Variants in ACOT6 observed in about 807,000 individuals in gnomAD.
ACOT6 encodes acyl-CoA thioesterase 6.
Under a neutral mutation model 12.3 loss-of-function variants are expected in ACOT6, and 14 were observed. The observed-to-expected ratio is 1.14, with a 90% CI of 0.75 to 1.78. The LOEUF (loss-of-function observed/expected upper bound fraction) is 1.78. Among genes scored for constraint, ACOT6 ranks in the 40% most tolerant of loss-of-function variants. The pLI is 0.00. For synonymous variants in ACOT6, 218 were observed against 231.3 expected (o/e 0.94, Z 0.52); for missense variants, 523 against 551.8 (o/e 0.95, Z 0.52).
intron 1 of ACOT6, among the ~76,000 whole-genome samples, chr14:73,615,334 C>CCAAAA (rs1219471454): frequency 1.4e-5 from 2 of 139,332 alleles, no homozygotes; most frequent in African/African-American, 5.7e-5. Flanking sequence ...TTGCAGTGAG[C>CCAAAA]CAAAATCACA....
chr14:73,619,445 CT>C lies in ACOT6; in HGVS notation c.876del (p.Phe292LeufsTer46), dbSNP rs768789089. 9.0e-5 allele frequency: 146 copies of C among 1,614,074 alleles called. No homozygotes were observed. The highest frequency in any genetic ancestry group is 1.2e-4 in the Non-Finnish European group (137 of 1,180,044). On this transcript the variant is annotated frameshift_variant, in exon 3 of 3. Coordinates refer to ENST00000645972, the MANE Select transcript of ACOT6 (RefSeq NM_001365788.1). LOFTEE classifies it low-confidence loss of function (END_TRUNC). The stretch of plus-strand genomic sequence containing the variant: ...AAAATCACTAAGTCAGGATTTCTCA[CT>C]TTTATGGACACTTGGAGCAATCCAC... ...KVKITKSGFL[T>X]FMDTWSNPLE...
At chr14:73,617,334 G>A in intron 2 of ACOT6, 142 bp downstream of exon 2, 3 of 1,181,404 alleles carry the variant, frequency 2.5e-6, no homozygotes, top group Non-Finnish European at 2.5e-6. Context: ...TAGGGTGGAA[G>A]CTGGGCATGG....
chr14:73,612,332 G>GC (rs1035080684), upstream of ACOT6, among the ~76,000 whole-genome samples: 2 of 152,136 alleles, frequency 1.3e-5, no homozygotes, highest in Non-Finnish European at 2.9e-5. Flanking sequence ...GTGATCCACC[G>GC]CCCCCGGCCG....
chr14:73,617,566 C>A (rs1453039166), intron 2 of ACOT6, among the ~76,000 whole-genome samples: 1 of 152,120 alleles, frequency 6.6e-6, no homozygotes, highest in Non-Finnish European at 1.5e-5. Context: ...TCAAAGAGCA[C>A]AGGACTAAAA....
At chr14:73,614,347 C>A (rs559743510) in intron 1 of ACOT6, among the ~76,000 whole-genome samples, 1 of 152,300 alleles carries the variant, frequency 6.6e-6, no homozygotes, top group African/African-American at 2.4e-5. Context: ...TGGCTGCCCA[C>A]TGTACTGTGA....
At position 73,612,969 on chromosome 14, in the gene ACOT6, G is replaced by GGGTGCGGCGCGAGCC; in HGVS notation, c.405_419dup (p.Arg136_Arg140dup). The GGGTGCGGCGCGAGCC allele has an allele frequency of 2.5e-6, 3 of 1,197,404 alleles. No individual in the cohort carries two copies. The highest frequency in any genetic ancestry group is 1.1e-6 in the Non-Finnish European group (1 of 901,612). The allele number at this position is 1,197,404 out of a possible 1,614,324, so 74.2% of individuals were successfully genotyped here. On this transcript the variant is annotated inframe_insertion, in exon 1 of 3. Coordinates refer to ENST00000645972, the MANE Select transcript of ACOT6 (RefSeq NM_001365788.1). ...AACAAGCGCGACTTTCTCCGGCCGGGGGTGCGGCGCGAGCCGGTGCGCGCG... is the reference window on the plus strand; with the variant it reads ...AACAAGCGCGACTTTCTCCGGCCGGGGGTGCGGCGCGAGCCGGTGCGGCGCGAGCCGGTGCGCGCG...
chr14:73,618,844 C>T (rs1173314409), intron 2 of ACOT6, among the ~76,000 whole-genome samples: 2 of 151,942 alleles, frequency 1.3e-5, no homozygotes, highest in Non-Finnish European at 2.9e-5. Context: ...GTTAAGAAAG[C>T]TACTGGCGGG....
chr14:73,612,535 C>G lies in ACOT6; in HGVS notation c.-37C>G, dbSNP rs1890460445. 1 of 1,234,760 alleles carries G rather than the reference C, an allele frequency of 8.1e-7. No individual in the cohort carries two copies. Among genetic ancestry groups the G allele is most frequent in the Admixed American group, 4.1e-5 (1 of 24,590 alleles). 76.5% of individuals were successfully genotyped at this position (1,234,760 alleles called of 1,614,324 possible). The stretch of plus-strand genomic sequence containing the variant: ...AGCCGCCAGGCCCGCCCACTGACTC[C>G]GCGGAGCTGGGTCGCCCCTGTTCTA... On this transcript the variant is annotated 5_prime_UTR_variant, in exon 1 of 3. Coordinates refer to ENST00000645972, the MANE Select transcript of ACOT6 (RefSeq NM_001365788.1).
Position 73,612,920 on chromosome 14 carries a change from G to A in ACOT6, c.349G>A (p.Gly117Arg). The change falls in exon 1 of 3, where the codon GGG (glycine) becomes AGG (arginine). Residue 117 changes from glycine to arginine, a missense_variant. Around this residue, in one of 2 missense-constraint regions of ACOT6, gnomAD observed 304 missense variants for 274.8 expected, o/e 1.11. Coordinates refer to ENST00000645972, the MANE Select transcript of ACOT6 (RefSeq NM_001365788.1). ...GCTGGACGGCCACGACACCGAGCCC[G>A]GGCGGCTGCTGTGCCTGGCGCAGAA... Reference protein sequence around the residue: ...EVLDGHDTEPGRLLCLAQNKR... With the variant: ...EVLDGHDTEPRRLLCLAQNKR... 1 of 1,352,924 alleles carries A rather than the reference G, an allele frequency of 7.4e-7. No individual in the cohort carries two copies. The highest frequency in any genetic ancestry group is 9.9e-7 in the Non-Finnish European group (1 of 1,013,326). The allele number at this position is 1,352,924 out of a possible 1,614,324, so 83.8% of individuals were successfully genotyped here.
At chr14:73,616,447 C>G (rs905455041) in intron 1 of ACOT6, among the ~76,000 whole-genome samples, 8 of 152,114 alleles carry the variant, frequency 5.3e-5, no homozygotes, top group African/African-American at 1.7e-4. Context: ...AATCGCAGCA[C>G]TTTGGGAGGC....
At chr14:73,617,328 G>A in intron 2 of ACOT6, 136 bp downstream of exon 2, 1 of 1,242,810 alleles carries the variant, frequency 8.0e-7, no homozygotes, top group Non-Finnish European at 1.2e-6. Flanking sequence ...GGTTACTAGG[G>A]TGGAAGCTGG....
In ACOT6 at chr14:73,612,646, C is replaced by A. The variant is rs976330775; in HGVS notation, c.75C>A (p.Gly25=). 17 of 1,405,418 alleles carry A rather than the reference C, an allele frequency of 1.2e-5. No homozygotes were observed. The Admixed American group carries it at 4.8e-4, about 40-fold the overall frequency. 87.1% of individuals were successfully genotyped at this position (1,405,418 alleles called of 1,614,324 possible). A position where few individuals can be genotyped will look rare whatever the true frequency, so the allele number is the denominator to read the frequency against. Residue 25 remains glycine (G), a synonymous_variant, in exon 1 of 3, where the codon GGC becomes GGA. Transcript: ENST00000645972. ...WDEPLRIAVR[G]LAPEQPVTLR... ...AGCCGCTGCGCATCGCAGTGCGCGG[C>A]CTGGCCCCGGAGCAGCCAGTCACGC...
intron 1 of ACOT6, among the ~76,000 whole-genome samples, chr14:73,616,066 A>C (rs1336967986): frequency 1.3e-5 from 2 of 151,958 alleles, no homozygotes. Context: ...TCTTGGGCTC[A>C]GATGATCCTC....
Position 73,619,847 on chromosome 14 carries a change from G to T in ACOT6, c.*8G>T, listed in dbSNP as rs1347117813. The T allele has an allele frequency of 6.4e-7, 1 of 1,573,404 alleles. No individual in the cohort carries two copies. The highest frequency in any genetic ancestry group is 8.6e-7 in the Non-Finnish European group (1 of 1,165,510). On this transcript the variant is annotated 3_prime_UTR_variant, in exon 3 of 3. Transcript: ENST00000645972. Reference sequence around the variant, plus strand: ...AAGCACAGCAAAATATAACATTGTAGCCACAGACCAGATACCATTAATAAA... The same window carrying T: ...AAGCACAGCAAAATATAACATTGTATCCACAGACCAGATACCATTAATAAA...
In ACOT6 at chr14:73,616,997, G is replaced by A; in HGVS notation, c.465G>A (p.Gly155=). Residue 155 remains glycine (G), a synonymous_variant, in exon 2 of 3, where the codon GGG becomes GGA. Transcript: ENST00000645972. ...RAALFLPPDE[G]PFPGIIDLFG... is the part of the protein sequence containing the mutation. ...ATTTGTGATGTTCTCCAGGCAGGGG[G>A]CCCTTTCCTGGGATCATTGATCTGT... 2.9e-6 allele frequency: 2 copies of A among 691,390 alleles called. No homozygotes were observed. Among genetic ancestry groups the A allele is most frequent in the Non-Finnish European group, 5.1e-6 (2 of 391,650 alleles). 42.8% of individuals were successfully genotyped at this position (691,390 alleles called of 1,614,324 possible). A position where few individuals can be genotyped will look rare whatever the true frequency, so the allele number is the denominator to read the frequency against.
At chr14:73,612,484 C>T (rs532823361), upstream of ACOT6, 17 of 925,604 alleles carry the variant, frequency 1.8e-5, no homozygotes, top group South Asian at 4.0e-4. Flanking sequence ...GGGCTCCGCC[C>T]TCGACTACTT....
Position 73,612,592 on chromosome 14 carries a change from G to A in ACOT6, c.21G>A (p.Leu7=), listed in dbSNP as rs1890462217. MAATLI[L]EPAGRCCWDE... ...TTGGGATGGCAGCGACGCTGATCCT[G>A]GAGCCCGCGGGCCGCTGCTGCTGGG... The change falls in exon 1 of 3, where the codon CTG becomes CTA. Residue 7 remains leucine, a synonymous_variant. Transcript: ENST00000645972. 6.4e-6 allele frequency: 9 copies of A among 1,410,194 alleles called. No individual in the cohort carries two copies. The South Asian group carries it at 7.1e-5, about 11-fold the overall frequency. The allele number at this position is 1,410,194 out of a possible 1,614,324, so 87.4% of individuals were successfully genotyped here.
intron 1 of ACOT6, among the ~76,000 whole-genome samples, chr14:73,615,388 T>TAAAAAAAAAAAAAAAAA (rs1160138803): frequency 3.2e-5 from 2 of 63,298 alleles, no homozygotes; most frequent in African/African-American, 1.0e-4. Flanking sequence ...CTCTGTCTGA[T>TAAAAAAAAAAAAAAAAA]AAAAAAAAAA....
At chr14:73,617,682 T>C (rs1890562236) in intron 2 of ACOT6, among the ~76,000 whole-genome samples, 1 of 152,154 alleles carries the variant, frequency 6.6e-6, no homozygotes, top group Non-Finnish European at 1.5e-5. Context: ...AATGTAAATG[T>C]ATATAGAGAA....
Sources: allele counts gnomAD v4.1 joint callset (sites outside exome capture counted in the v4.1 genomes callset), GRCh38; gene constraint gnomAD v4.1.1; regional missense constraint gnomAD v4.1.1; transcripts MANE v1.5; gene names NCBI Gene and HGNC (gene_info 2026-07-23, HGNC 2026-07-21).